The following INPP4B variants were observed in gnomAD, a reference collection of about 807,000 sequenced individuals.
The protein encoded by INPP4B is inositol polyphosphate 4-phosphatase type II.
In INPP4B, 55 loss-of-function variants were observed where a neutral mutation model predicts 122.5. The observed-to-expected ratio is 0.45, with a 90% CI of 0.36 to 0.56. The LOEUF is 0.56. INPP4B is among the 20% of genes least tolerant of loss of function. INPP4B has a pLI of 0.00. For missense variants in INPP4B, 1,000 were observed against 1,097.7 expected, an observed-to-expected ratio of 0.91 and a Z score of 1.26; for synonymous variants, 403 against 388.7, an observed-to-expected ratio of 1.04 and a Z score of -0.43.
Position 142,642,492 on chromosome 4 carries a change from C to G in INPP4B, c.-191+83347G>C, listed in dbSNP as rs534018543. 2.6e-5 allele frequency among the ~76,000 whole-genome samples: 4 copies of G among 152,258 alleles called. No homozygotes were observed. In the East Asian group the frequency reaches 7.7e-4, roughly 29 times the overall value. ...GTTTCAGCTTTCTACATATGGCTAG[C>G]CAGTTTTCCCAGCACCATTTATTAA... On this transcript the variant is annotated intron_variant, in intron 2 of 25. Coordinates refer to ENST00000262992, the MANE Select transcript of INPP4B (RefSeq NM_001101669.3).
At chr4:142,366,647 GA>G (rs1312537627) in intron 7 of INPP4B, among the ~76,000 whole-genome samples, 3 of 152,080 alleles carry the variant, frequency 2.0e-5, no homozygotes, top group African/African-American at 7.2e-5. Flanking sequence ...GTGTGAATTT[GA>G]GTTCAACTGA....
intron 25 of INPP4B, among the ~76,000 whole-genome samples, chr4:142,032,661 C>A (rs761948813): frequency 6.6e-6 from 1 of 152,156 alleles, no homozygotes; most frequent in East Asian, 1.9e-4. Context: ...GTCAGACCAG[C>A]TGTTTCAAGC....
chr4:142,125,717 T>C (rs962622929), intron 18 of INPP4B, among the ~76,000 whole-genome samples: 18 of 152,130 alleles, frequency 1.2e-4, no homozygotes, highest in Middle Eastern at 3.2e-3. Flanking sequence ...GCTGACTTCC[T>C]TTTGTGCCTG....
intron 5 of INPP4B, among the ~76,000 whole-genome samples, chr4:142,414,922 A>C (rs565201157): frequency 3.3e-5 from 5 of 152,324 alleles, no homozygotes; most frequent in Admixed American, 1.3e-4. Flanking sequence ...TTAAGAAAGG[A>C]TGAAAATGTT....
intron 3 of INPP4B, among the ~76,000 whole-genome samples, chr4:142,438,012 T>G (rs1409201527): frequency 6.6e-6 from 1 of 152,070 alleles, no homozygotes; most frequent in African/African-American, 2.4e-5. Flanking sequence ...AAGGATCTCT[T>G]TAAGGAGAAC....
intron 2 of INPP4B, among the ~76,000 whole-genome samples, chr4:142,564,699 A>T (rs1453634696): frequency 6.6e-6 from 1 of 151,888 alleles, no homozygotes. Context: ...TAAATTTTTA[A>T]ATTTTACATT....
intron 2 of INPP4B, among the ~76,000 whole-genome samples, chr4:142,548,405 CT>C (rs1393920465): frequency 6.6e-6 from 1 of 152,186 alleles, no homozygotes; most frequent in Non-Finnish European, 1.5e-5. Context: ...GAAAAGTCTA[CT>C]TTCTGAAATA....
chr4:142,505,220 CAGAG>C (rs1208705733), intron 2 of INPP4B, among the ~76,000 whole-genome samples: 2 of 145,770 alleles, frequency 1.4e-5, no homozygotes, highest in Non-Finnish European at 3.0e-5. Flanking sequence ...GCCTGGGTGA[CAGAG>C]AGAGACTCTG....
intron 9 of INPP4B, among the ~76,000 whole-genome samples, chr4:142,296,112 C>T (rs1561779031): frequency 6.6e-6 from 1 of 152,116 alleles, no homozygotes; most frequent in South Asian, 2.1e-4. Flanking sequence ...CTTTTCTATA[C>T]AAATTGAGGA....
chr4:142,489,244 A>G (rs760484720), intron 2 of INPP4B, among the ~76,000 whole-genome samples: 1 of 152,160 alleles, frequency 6.6e-6, no homozygotes, highest in Non-Finnish European at 1.5e-5. Flanking sequence ...TCTATTTTTA[A>G]AAAATTACTG....
At chr4:142,562,794 T>A (rs1580374952) in intron 2 of INPP4B, among the ~76,000 whole-genome samples, 15 of 152,176 alleles carry the variant, frequency 9.9e-5, no homozygotes, top group Admixed American at 9.8e-4. Context: ...TTCTTAATAA[T>A]TTCCACGCCA....
chr4:142,097,438 G>C (rs921784309), intron 23 of INPP4B, among the ~76,000 whole-genome samples: 3 of 151,510 alleles, frequency 2.0e-5, no homozygotes, highest in African/African-American at 7.3e-5. Flanking sequence ...GTATTTTTTA[G>C]TAGAGAGAGT....
Position 142,136,255 on chromosome 4 carries a change from G to C in INPP4B, c.1720+9585C>G, listed in dbSNP as rs546555445. 1.4e-4 allele frequency among the ~76,000 whole-genome samples: 21 copies of C among 152,344 alleles called. No homozygotes were observed. The South Asian group carries it at 4.3e-3, about 32-fold the overall frequency. ...GAAGTGATCATTGGGCTGGCGTGAAGATGGAAGGTCGGGCAGGCACTGGAG... is the reference window on the plus strand; with the variant it reads ...GAAGTGATCATTGGGCTGGCGTGAACATGGAAGGTCGGGCAGGCACTGGAG... On this transcript the variant is annotated intron_variant, in intron 18 of 25. Transcript: ENST00000262992.
intron 18 of INPP4B, among the ~76,000 whole-genome samples, chr4:142,132,410 G>A (rs1801778362): frequency 1.3e-5 from 2 of 152,008 alleles, no homozygotes; most frequent in African/African-American, 2.4e-5. Context: ...TAATTTTGTA[G>A]AATTAATTCT....
chr4:142,193,650 G>C lies in INPP4B; in HGVS notation c.1073-455C>G, dbSNP rs141324636. On this transcript the variant is annotated intron_variant, in intron 14 of 25. Transcript: ENST00000262992. ...AGCATTTTGACTCAAGGGCAGATTAGTACTAGTGCATTTTAAAAAATCTAT... is the reference window on the plus strand; with the variant it reads ...AGCATTTTGACTCAAGGGCAGATTACTACTAGTGCATTTTAAAAAATCTAT... Among the ~76,000 whole-genome samples, 245 of 152,204 alleles carry C rather than the reference G, an allele frequency of 1.6e-3. 2 individuals carry two copies. The highest frequency in any genetic ancestry group is 5.8e-3 in the African/African-American group (239 of 41,530).
chr4:142,581,474 ATAGAAGTT>A (rs1484073425), intron 2 of INPP4B, among the ~76,000 whole-genome samples: 7 of 149,398 alleles, frequency 4.7e-5, no homozygotes, highest in Non-Finnish European at 7.4e-5. Context: ...TTGGAAATAG[ATAGAAGTT>A]CCATTTCTAT....
chr4:142,261,696 A>G (rs1740110687), intron 10 of INPP4B, among the ~76,000 whole-genome samples: 1 of 152,114 alleles, frequency 6.6e-6, no homozygotes, highest in East Asian at 1.9e-4. Flanking sequence ...CTCTTTAAGA[A>G]TCATGTACAC....
At chr4:142,350,906 G>T (rs1327122958) in intron 7 of INPP4B, among the ~76,000 whole-genome samples, 1 of 151,926 alleles carries the variant, frequency 6.6e-6, no homozygotes, top group Non-Finnish European at 1.5e-5. Flanking sequence ...GACTCTGATG[G>T]CTCTATGTTA....
chr4:142,408,739 A>G (rs1359651003), intron 5 of INPP4B, among the ~76,000 whole-genome samples: 1 of 152,168 alleles, frequency 6.6e-6, no homozygotes, highest in African/African-American at 2.4e-5. Context: ...ACCCACTTCA[A>G]TCTAATGGTC....
Sources: gnomAD v4.1 joint callset for allele counts (sites outside exome capture counted in the v4.1 genomes callset) on GRCh38, gnomAD v4.1.1 for gene constraint, MANE v1.5 for transcripts, NCBI Gene and HGNC (gene_info 2026-07-23, HGNC 2026-07-21) for gene names.